BLK: variants seen among roughly 807,000 people sequenced by gnomAD.
BLK encodes BLK proto-oncogene, Src family tyrosine kinase, also known as tyrosine-protein kinase Blk.
Under a neutral mutation model 61.8 loss-of-function variants are expected in BLK, and 64 were observed. The ratio of observed to expected loss-of-function variants is 1.03; its 90% confidence interval spans 0.85 to 1.27. The LOEUF is 1.27. BLK is among the 50% of genes most tolerant of loss of function. BLK has a pLI of 0.00. For synonymous variants in BLK, 351 were observed against 272.0 expected (o/e 1.29, Z -2.86); for missense variants, 853 against 660.5 (o/e 1.29, Z -3.19).
intron 1 of BLK, among the ~76,000 whole-genome samples, chr8:11,496,739 G>A (rs10089316): frequency 0.012 from 1,875 of 152,280 alleles, 12 homozygotes; most frequent in Middle Eastern, 0.061. Flanking sequence ...GGCCCCTGGG[G>A]GAGTACAGAA....
intron 2 of BLK, among the ~76,000 whole-genome samples, chr8:11,544,265 T>G (rs1800518699): frequency 6.6e-6 from 1 of 152,166 alleles, no homozygotes; most frequent in African/African-American, 2.4e-5. Flanking sequence ...GTGCCGGGCC[T>G]GAAGATACAT....
chr8:11,559,468 AACACAAACTCACACAAACACATTT>A (rs1349479920), intron 10 of BLK, among the ~76,000 whole-genome samples: 18 of 151,400 alleles, frequency 1.2e-4, no homozygotes, highest in East Asian at 5.8e-4. Flanking sequence ...CTCAGACTCA[AACACAAACTCACACAAACACATTT>A]ACACAAACTC....
chr8:11,557,054 C>T lies in BLK; in HGVS notation c.952+217C>T, dbSNP rs565704194. Among the ~76,000 whole-genome samples the T allele has an allele frequency of 9.1e-4, 138 of 152,238 alleles. 2 individuals carry two copies. In the South Asian group the frequency reaches 0.019, roughly 21 times the overall value. On this transcript the variant is annotated intron_variant, in intron 9 of 12. Transcript: ENST00000259089. ...AGTGGTTCTGACAGAGCCATGTTCTCAGCCCAGGAGCAGTTCAGACAGCAT... is the reference window on the plus strand; with the variant it reads ...AGTGGTTCTGACAGAGCCATGTTCTTAGCCCAGGAGCAGTTCAGACAGCAT...
At chr8:11,525,347 C>A (rs1305105759) in intron 1 of BLK, among the ~76,000 whole-genome samples, 2 of 152,170 alleles carry the variant, frequency 1.3e-5, no homozygotes, top group Non-Finnish European at 2.9e-5. Context: ...GAATTTCAGT[C>A]CCCAGAAGTC....
At position 11,513,656 on chromosome 8, in the gene BLK, G is replaced by A. The variant is rs74907472; in HGVS notation, c.-2+19065G>A. Reference sequence around the variant, plus strand: ...TGACTCGTACAAGATTGCACCTTGGGCTGCAAAATTCATACCAAGTGATCC... The same window carrying A: ...TGACTCGTACAAGATTGCACCTTGGACTGCAAAATTCATACCAAGTGATCC... On this transcript the variant is annotated intron_variant, in intron 1 of 12. Coordinates refer to ENST00000259089, the MANE Select transcript of BLK (RefSeq NM_001715.3). 7.2e-3 allele frequency among the ~76,000 whole-genome samples: 1,103 copies of A among 152,332 alleles called. 10 individuals carry two copies. The highest frequency in any genetic ancestry group is 0.024 in the African/African-American group (994 of 41,562).
intron 1 of BLK, among the ~76,000 whole-genome samples, chr8:11,535,109 T>G (rs1487688903): frequency 6.6e-6 from 1 of 151,406 alleles, no homozygotes; most frequent in African/African-American, 2.4e-5. Flanking sequence ...GCCCAGGAGT[T>G]CAAGGCTGCA....
intron 5 of BLK, among the ~76,000 whole-genome samples, chr8:11,549,678 C>T (rs893565080): frequency 1.3e-5 from 2 of 152,222 alleles, no homozygotes; most frequent in African/African-American, 4.8e-5. Flanking sequence ...TCTCTGGACA[C>T]TGTGGGCCCC....
At chr8:11,548,268 T>C in intron 4 of BLK, 143 bp downstream of exon 4, 1 of 695,726 alleles carries the variant, frequency 1.4e-6, no homozygotes, top group Non-Finnish European at 2.4e-6. Context: ...CAGCATTTTC[T>C]TGAACTTGGC....
chr8:11,531,758 T>C (rs1230203931), intron 1 of BLK, among the ~76,000 whole-genome samples: 1 of 152,254 alleles, frequency 6.6e-6, no homozygotes, highest in African/African-American at 2.4e-5. Context: ...TTTTTCTCCC[T>C]GTGCTTCACT....
At chr8:11,527,537 G>A (rs1799706537) in intron 1 of BLK, among the ~76,000 whole-genome samples, 2 of 151,454 alleles carry the variant, frequency 1.3e-5, no homozygotes, top group Non-Finnish European at 2.9e-5. Context: ...CAGGAGAACT[G>A]AGTTGTCACT....
rs533624911 is a variant in BLK, at chr8:11,522,634, G to A, written c.-1-20590G>A. ...AAACAGTGTCCCTTAGAAAATGAAT[G>A]AATAAAAGGAAGTTTATTCACTTAA... On this transcript the variant is annotated intron_variant, in intron 1 of 12. Transcript: ENST00000259089. Among the ~76,000 whole-genome samples the A allele has an allele frequency of 2.2e-4, 33 of 146,922 alleles. 1 individual carries two copies. The South Asian group carries it at 6.6e-3, about 29-fold the overall frequency.
chr8:11,537,828 G>C (rs1046087223), intron 1 of BLK, among the ~76,000 whole-genome samples: 48 of 152,294 alleles, frequency 3.2e-4, no homozygotes, highest in African/African-American at 1.1e-3. Context: ...TCTATTTTTA[G>C]TTGATGCCTC....
At chr8:11,542,275 A>C (rs1472954419) in intron 1 of BLK, among the ~76,000 whole-genome samples, 1 of 152,236 alleles carries the variant, frequency 6.6e-6, no homozygotes, top group Non-Finnish European at 1.5e-5. Context: ...GAGATATTGA[A>C]AAGTGAAAAA....
chr8:11,560,565 G>C, intron 10 of BLK: 1 of 300,640 alleles, frequency 3.3e-6, no homozygotes, highest in Non-Finnish European at 6.5e-6. Flanking sequence ...TTGATTGGGT[G>C]AATAAAGCCT....
chr8:11,516,356 C>T (rs1480786166), intron 1 of BLK, among the ~76,000 whole-genome samples: 1 of 152,198 alleles, frequency 6.6e-6, no homozygotes, highest in Non-Finnish European at 1.5e-5. Flanking sequence ...TCACAGACCC[C>T]GAGTCCTGCA....
Position 11,560,138 on chromosome 8 carries a change from CGTGGGTGGGTGGGTGG to C in BLK, c.1030-1147_1030-1132del, listed in dbSNP as rs527746076. Reference sequence around the variant, plus strand: ...GGATGGATGCATGGATGGGTGGATGCGTGGGTGGGTGGGTGGGTGGGTGGGTGGGTGGATGGATGGA... The same window carrying C: ...GGATGGATGCATGGATGGGTGGATGCGTGGGTGGGTGGGTGGATGGATGGA... On this transcript the variant is annotated intron_variant, in intron 10 of 12. Transcript: ENST00000259089. The C allele has an allele frequency of 5.3e-3, 560 of 104,708 alleles. 3 individuals are homozygous for C. Among genetic ancestry groups the C allele is most frequent in the Middle Eastern group, 8.7e-3 (2 of 230 alleles). The allele number at this position is 104,708 out of a possible 1,614,324, so 6.5% of individuals were successfully genotyped here.
chr8:11,497,842 T>C (rs1289334086), intron 1 of BLK, among the ~76,000 whole-genome samples: 1 of 152,046 alleles, frequency 6.6e-6, no homozygotes, highest in Non-Finnish European at 1.5e-5. Context: ...TAAGACAGTG[T>C]GGTATAGATG....
intron 1 of BLK, among the ~76,000 whole-genome samples, chr8:11,531,548 T>C (rs1395176722): frequency 6.6e-6 from 1 of 152,206 alleles, no homozygotes; most frequent in Non-Finnish European, 1.5e-5. Context: ...AACAATACGA[T>C]TATAATGTAC....
chr8:11,512,262 C>T (rs1047301944), intron 1 of BLK, among the ~76,000 whole-genome samples: 1 of 152,212 alleles, frequency 6.6e-6, no homozygotes, highest in African/African-American at 2.4e-5. Flanking sequence ...GTTCTTCAAG[C>T]AGACCTGTGG....
Sources: gnomAD v4.1 joint callset for allele counts (sites outside exome capture counted in the v4.1 genomes callset) on GRCh38, gnomAD v4.1.1 for gene constraint, MANE v1.5 for transcripts, NCBI Gene and HGNC (gene_info 2026-07-23, HGNC 2026-07-21) for gene names.